Variants in RANBP9 observed in about 807,000 individuals in gnomAD.
RANBP9 encodes ran-binding protein 9.
RANBP9 carries 15 observed loss-of-function variants against 84.3 expected under a neutral mutation model. That is an observed-to-expected ratio of 0.18 (90% CI 0.12 to 0.27). The LOEUF (loss-of-function observed/expected upper bound fraction) is 0.27. RANBP9 is among the 10% of genes least tolerant of loss of function. RANBP9 has a pLI of 1.00. For synonymous variants in RANBP9, 392 were observed against 349.6 expected, an observed-to-expected ratio of 1.12 and a Z score of -1.35; for missense variants, 809 against 912.8, an observed-to-expected ratio of 0.89 and a Z score of 1.46.
chr6:13,632,112 T>G (rs1436645823), intron 12 of RANBP9, among the ~76,000 whole-genome samples: 1 of 133,348 alleles, frequency 7.5e-6, no homozygotes, highest in Non-Finnish European at 1.6e-5. Context: ...GCACTGGGAT[T>G]TAATCCTTTT....
chr6:13,707,891 A>G lies in RANBP9; in HGVS notation c.571+3044T>C, dbSNP rs189387293. 3.7e-4 allele frequency among the ~76,000 whole-genome samples: 56 copies of G among 152,334 alleles called. 1 individual carries two copies. The East Asian group carries it at 0.011, about 29-fold the overall frequency. Reference sequence around the variant, plus strand: ...TCACATTTGTACTTATTCAATACTGACAACAATTTCAAAAATAAGAGGGGC... The same window carrying G: ...TCACATTTGTACTTATTCAATACTGGCAACAATTTCAAAAATAAGAGGGGC... On this transcript the variant is annotated intron_variant, in intron 1 of 13. Transcript: ENST00000011619.
chr6:13,696,976 T>C (rs1054679210), intron 1 of RANBP9, 80 bp from the exon 2 acceptor site: 29 of 1,173,766 alleles, frequency 2.5e-5, no homozygotes, highest in African/African-American at 4.6e-5. Context: ...TTCAGGAACA[T>C]ATAGGTTTTT....
intron 1 of RANBP9, among the ~76,000 whole-genome samples, chr6:13,699,363 T>A (rs1203265421): frequency 1.3e-5 from 2 of 152,176 alleles, no homozygotes; most frequent in African/African-American, 4.8e-5. Flanking sequence ...AAATTAGATG[T>A]AAAAGGTATA....
At chr6:13,639,882 A>G in intron 8 of RANBP9, 129 bp from the exon 9 acceptor site, 1 of 763,148 alleles carries the variant, frequency 1.3e-6, no homozygotes, top group Non-Finnish European at 2.0e-6. Context: ...TAAGCTAAAA[A>G]TATTAAATAT....
At chr6:13,697,215 G>T (rs533827980) in intron 1 of RANBP9, among the ~76,000 whole-genome samples, 48 of 152,250 alleles carry the variant, frequency 3.2e-4, no homozygotes, top group Admixed American at 5.9e-4. Flanking sequence ...GAGGAAAAAG[G>T]CTGTATGAAG....
At chr6:13,646,998 T>C (rs986933196) in intron 5 of RANBP9, among the ~76,000 whole-genome samples, 1 of 152,168 alleles carries the variant, frequency 6.6e-6, no homozygotes, top group Non-Finnish European at 1.5e-5. Flanking sequence ...CTTTTGCACA[T>C]CAGATTAAGA....
rs1317131070 is a variant in RANBP9, at chr6:13,621,800, G to GT, written c.*561dup. On this transcript the variant is annotated 3_prime_UTR_variant, in exon 14 of 14. Transcript: ENST00000011619. ...CTACTGGGACTAACAGGTCGGGATT[G>GT]TAAGTAGCAACAAACATATTCACTC... The GT allele has an allele frequency of 6.6e-6, 1 of 152,646 alleles. No individual in the cohort carries two copies. The highest frequency in any genetic ancestry group is 2.4e-5 in the African/African-American group (1 of 41,458). 9.5% of individuals were successfully genotyped at this position (152,646 alleles called of 1,614,324 possible).
intron 2 of RANBP9, among the ~76,000 whole-genome samples, chr6:13,694,995 C>T (rs992576219): frequency 2.0e-5 from 3 of 152,060 alleles, no homozygotes; most frequent in Admixed American, 2.0e-4. Context: ...CAGAACAGTA[C>T]ACTAAAAAGA....
At chr6:13,649,662 C>A (rs529607060) in intron 5 of RANBP9, among the ~76,000 whole-genome samples, 1 of 152,026 alleles carries the variant, frequency 6.6e-6, no homozygotes, top group Non-Finnish European at 1.5e-5. Flanking sequence ...TCTTTCTATG[C>A]GACACCGACA....
intron 2 of RANBP9, among the ~76,000 whole-genome samples, chr6:13,685,954 A>G (rs1479144472): frequency 6.6e-6 from 1 of 151,948 alleles, no homozygotes; most frequent in Non-Finnish European, 1.5e-5. Context: ...GAGTATAACT[A>G]AGCTTAAAAT....
In RANBP9 at chr6:13,711,338, G is replaced by T; in HGVS notation, c.168C>A (p.Gly56=). The T allele has an allele frequency of 8.9e-7, 1 of 1,121,460 alleles. No homozygotes were observed. The highest frequency in any genetic ancestry group is 1.1e-6 in the Non-Finnish European group (1 of 918,256). 69.5% of individuals were successfully genotyped at this position (1,121,460 alleles called of 1,614,324 possible). Residue 56 remains glycine, a synonymous_variant, in exon 1 of 14, where the codon GGC becomes GGA. Transcript: ENST00000011619. The part of the protein sequence containing the change: ...SPAGSPGGGA[G]GEGLGAAAAA... ...CCGCCGCGGCCCCTAAGCCTTCGCC[G>T]CCCGCACCGCCGCCGGGCGAGCCGG...
At chr6:13,623,529 T>A (rs74455998) in intron 13 of RANBP9, among the ~76,000 whole-genome samples, 1 of 152,066 alleles carries the variant, frequency 6.6e-6, no homozygotes, top group Non-Finnish European at 1.5e-5. Flanking sequence ...AAAGGGCACA[T>A]AGATTGATGA....
chr6:13,700,277 G>C (rs1019143776), intron 1 of RANBP9, among the ~76,000 whole-genome samples: 2 of 152,138 alleles, frequency 1.3e-5, no homozygotes, highest in Non-Finnish European at 2.9e-5. Context: ...CCTTCTATCA[G>C]TAGCCCTCAA....
In RANBP9 at chr6:13,711,179, T is replaced by G; in HGVS notation, c.327A>C (p.Ala109=). Residue 109 remains alanine, a synonymous_variant, in exon 1 of 14, where the codon GCA becomes GCC. Transcript: ENST00000011619. ...ASGPPAPPGL[A]AGPGPAGGAP... The stretch of plus-strand genomic sequence containing the variant: ...CTCCTCCAGCCGGGCCGGGGCCCGC[T>G]GCAAGGCCCGGGGGAGCGGGCGGCC... 7.3e-7 allele frequency: 1 copy of G among 1,378,794 alleles called. No individual in the cohort carries two copies. Among genetic ancestry groups the G allele is most frequent in the African/African-American group, 1.6e-5 (1 of 62,736 alleles). 85.4% of individuals were successfully genotyped at this position (1,378,794 alleles called of 1,614,324 possible).
chr6:13,636,594 AT>A (rs201970605), intron 10 of RANBP9, among the ~76,000 whole-genome samples: 2,044 of 152,368 alleles, frequency 0.013, 52 homozygotes, highest in African/African-American at 0.046. Context: ...TTGATCAATG[AT>A]AAAGTACCAA....
rs116115844 is a variant in RANBP9 at position 13,628,725 on chromosome 6, C to G, written c.1948-2961G>C. Among the ~76,000 whole-genome samples the G allele has an allele frequency of 4.3e-3, 657 of 152,268 alleles. 13 individuals carry two copies. The highest frequency in any genetic ancestry group is 0.015 in the African/African-American group (610 of 41,546). On this transcript the variant is annotated intron_variant, in intron 12 of 13. Transcript: ENST00000011619. Reference sequence around the variant, plus strand: ...AATGAATGAAACTGGCAAAACAATACTAATGGTTTAAAGCCTGCTGTAAAA... The same window carrying G: ...AATGAATGAAACTGGCAAAACAATAGTAATGGTTTAAAGCCTGCTGTAAAA...
intron 2 of RANBP9, among the ~76,000 whole-genome samples, chr6:13,683,788 A>C (rs956366321): frequency 4.6e-5 from 7 of 152,216 alleles, no homozygotes; most frequent in South Asian, 2.1e-4. Context: ...GAAAAAAAAA[A>C]CACCTATACT....
At chr6:13,710,496 A>G (rs1175910857) in intron 1 of RANBP9, among the ~76,000 whole-genome samples, 3 of 151,952 alleles carry the variant, frequency 2.0e-5, no homozygotes, top group African/African-American at 7.3e-5. Context: ...TAGAAATCAT[A>G]CCTCAGAATC....
At chr6:13,691,499 A>G (rs150765386) in intron 2 of RANBP9, among the ~76,000 whole-genome samples, 1 of 152,360 alleles carries the variant, frequency 6.6e-6, no homozygotes, top group East Asian at 1.9e-4. Context: ...TTACAAGCAC[A>G]TAATACATTA....
Sources: gnomAD v4.1 joint callset for allele counts (sites outside exome capture counted in the v4.1 genomes callset) on GRCh38, gnomAD v4.1.1 for gene constraint, MANE v1.5 for transcripts, NCBI Gene and HGNC (gene_info 2026-07-23, HGNC 2026-07-21) for gene names.